The following PARD3 variants were observed in gnomAD, a reference collection of about 807,000 sequenced individuals.
The protein encoded by PARD3 is par-3 family cell polarity regulator.
PARD3 carries 75 observed loss-of-function variants against 155.4 expected under a neutral mutation model. The observed-to-expected ratio is 0.48, with a 90% confidence interval of 0.40 to 0.58. The LOEUF (loss-of-function observed/expected upper bound fraction) is 0.58. PARD3 is among the 20% of genes least tolerant of loss of function. The pLI, the probability that PARD3 is intolerant of heterozygous loss-of-function variation, is 0.00. For missense variants in PARD3, 1,642 were observed against 1,721.7 expected, an observed-to-expected ratio of 0.95 and a Z score of 0.82; for synonymous variants, 576 against 610.5, an observed-to-expected ratio of 0.94 and a Z score of 0.83.
intron 20 of PARD3, among the ~76,000 whole-genome samples, chr10:34,293,506 A>T (rs1374877383): frequency 6.6e-6 from 1 of 152,212 alleles, no homozygotes; most frequent in Non-Finnish European, 1.5e-5. Flanking sequence ...CTTTAAATAT[A>T]GTAAAAGCAC....
chr10:34,772,358 G>C (rs1185121307), intron 1 of PARD3, among the ~76,000 whole-genome samples: 1 of 151,154 alleles, frequency 6.6e-6, no homozygotes, highest in Non-Finnish European at 1.5e-5. Flanking sequence ...AAAAATAAAA[G>C]GACTTGCATT....
rs538709924 is a variant in PARD3, at chr10:34,412,549, G to C, written c.715-10632C>G. Reference sequence around the variant, plus strand: ...GAGAAAAGAACTGTTTAAAAGTGGTGACAACACAGAATGTCCATTTCAACA... The same window carrying C: ...GAGAAAAGAACTGTTTAAAAGTGGTCACAACACAGAATGTCCATTTCAACA... On this transcript the variant is annotated intron_variant, in intron 5 of 24. Coordinates refer to ENST00000374788, the MANE Select transcript of PARD3 (RefSeq NM_001184785.2). Among the ~76,000 whole-genome samples, 3 of 152,214 alleles carry C rather than the reference G, an allele frequency of 2.0e-5. No individual in the cohort carries two copies. In the South Asian group the frequency reaches 6.2e-4, roughly 32 times the overall value.
intron 1 of PARD3, among the ~76,000 whole-genome samples, chr10:34,697,914 G>A (rs1220652941): frequency 1.3e-5 from 2 of 152,074 alleles, no homozygotes; most frequent in African/African-American, 4.8e-5. Context: ...GGCATCTCCA[G>A]ATGTGTTGAG....
intron 6 of PARD3, among the ~76,000 whole-genome samples, chr10:34,399,712 A>G (rs1843695776): frequency 6.6e-6 from 1 of 152,140 alleles, no homozygotes; most frequent in Non-Finnish European, 1.5e-5. Flanking sequence ...GACCGACCCT[A>G]TTCTTCTGTG....
At chr10:34,781,335 G>C (rs193018799) in intron 1 of PARD3, among the ~76,000 whole-genome samples, 184 of 152,298 alleles carry the variant, frequency 1.2e-3, no homozygotes, top group Non-Finnish European at 2.0e-3. Flanking sequence ...GTGCTCCCTA[G>C]GGCAACTGGT....
intron 21 of PARD3, among the ~76,000 whole-genome samples, chr10:34,271,162 C>T (rs1293196055): frequency 6.6e-6 from 1 of 151,764 alleles, no homozygotes; most frequent in Admixed American, 6.6e-5. Flanking sequence ...CCTCTGCTAG[C>T]AAAAACAATA....
At chr10:34,688,089 G>C (rs1304311911) in intron 2 of PARD3, among the ~76,000 whole-genome samples, 1 of 152,036 alleles carries the variant, frequency 6.6e-6, no homozygotes, top group East Asian at 1.9e-4. Context: ...CTGGGCTCAA[G>C]TGATCCACCC....
At chr10:34,279,543 T>A (rs996501599) in intron 21 of PARD3, among the ~76,000 whole-genome samples, 10 of 152,180 alleles carry the variant, frequency 6.6e-5, no homozygotes, top group African/African-American at 2.4e-4. Context: ...AAAGACAATC[T>A]TTGCATGACA....
intron 2 of PARD3, among the ~76,000 whole-genome samples, chr10:34,536,092 A>G (rs2083206987): frequency 6.6e-6 from 1 of 152,160 alleles, no homozygotes; most frequent in South Asian, 2.1e-4. Flanking sequence ...ATTCATCACC[A>G]ATTCAAAACT....
Position 34,482,873 on chromosome 10 carries a change from G to T in PARD3, c.404-12610C>A, listed in dbSNP as rs548724013. 1.7e-3 allele frequency among the ~76,000 whole-genome samples: 256 copies of T among 152,194 alleles called. 2 individuals are homozygous for T. Among genetic ancestry groups the T allele is most frequent in the African/African-American group, 5.9e-3 (244 of 41,518 alleles). The stretch of plus-strand genomic sequence containing the variant: ...TAAAATTAAAAAAAAAAAATGCAAG[G>T]TGCAGTGGCTCACGCCTGTAATCCC... On this transcript the variant is annotated intron_variant, in intron 3 of 24. Coordinates refer to ENST00000374788, the MANE Select transcript of PARD3 (RefSeq NM_001184785.2).
chr10:34,537,051 G>A (rs2083278110), intron 2 of PARD3, among the ~76,000 whole-genome samples: 1 of 152,178 alleles, frequency 6.6e-6, no homozygotes, highest in Non-Finnish European at 1.5e-5. Flanking sequence ...CATCCTGGCT[G>A]TAGTGCAATG....
At chr10:34,409,297 T>A (rs1015597519) in intron 5 of PARD3, among the ~76,000 whole-genome samples, 2 of 152,070 alleles carry the variant, frequency 1.3e-5, no homozygotes, top group African/African-American at 4.8e-5. Flanking sequence ...CATAATGGAA[T>A]CTTAAAATTC....
At chr10:34,738,067 C>A (rs1030827900) in intron 1 of PARD3, among the ~76,000 whole-genome samples, 3 of 152,150 alleles carry the variant, frequency 2.0e-5, no homozygotes, top group Non-Finnish European at 4.4e-5. Flanking sequence ...ACAGGCAATA[C>A]CCTCGAATAT....
At chr10:34,735,483 C>G (rs2094896835) in intron 1 of PARD3, among the ~76,000 whole-genome samples, 1 of 152,164 alleles carries the variant, frequency 6.6e-6, no homozygotes, top group African/African-American at 2.4e-5. Flanking sequence ...TAACCACATT[C>G]AAAGTTCTGT....
At chr10:34,651,845 A>C (rs769539224) in intron 2 of PARD3, among the ~76,000 whole-genome samples, 6 of 152,220 alleles carry the variant, frequency 3.9e-5, no homozygotes, top group Admixed American at 1.3e-4. Context: ...GCTGTAAGTG[A>C]AATTCCCTTA....
chr10:34,344,299 T>G (rs1332633501), intron 15 of PARD3: 19 of 614,476 alleles, frequency 3.1e-5, no homozygotes, highest in East Asian at 3.2e-4. Flanking sequence ...TTTTTTTTTT[T>G]GGATATGGAG....
At chr10:34,323,589 A>T (rs932130705) in intron 19 of PARD3, among the ~76,000 whole-genome samples, 1 of 152,234 alleles carries the variant, frequency 6.6e-6, no homozygotes, top group Admixed American at 6.5e-5. Flanking sequence ...AAACCTTTCA[A>T]TATATGTGGG....
At chr10:34,321,647 G>C (rs1958385725) in intron 19 of PARD3, among the ~76,000 whole-genome samples, 1 of 152,166 alleles carries the variant, frequency 6.6e-6, no homozygotes, top group Non-Finnish European at 1.5e-5. Flanking sequence ...TAATGTGGCA[G>C]AGTCATTCTG....
chr10:34,662,019 A>C (rs1008299268), intron 2 of PARD3, among the ~76,000 whole-genome samples: 1 of 152,140 alleles, frequency 6.6e-6, no homozygotes, highest in Admixed American at 6.6e-5. Context: ...TGCTCCTTTG[A>C]CCTGCAGGCC....
Sources: allele counts gnomAD v4.1 joint callset (sites outside exome capture counted in the v4.1 genomes callset), GRCh38; gene constraint gnomAD v4.1.1; transcripts MANE v1.5; gene names NCBI Gene and HGNC (gene_info 2026-07-23, HGNC 2026-07-21).